NR5A2: variants seen among roughly 807,000 people sequenced by gnomAD.
NR5A2 encodes the protein nuclear receptor subfamily 5 group A member 2.
Under a neutral mutation model 62.7 loss-of-function variants are expected in NR5A2, and 26 were observed. The ratio of observed to expected loss-of-function variants is 0.41; its 90% confidence interval spans 0.30 to 0.58. The LOEUF is 0.58. Ranked by LOEUF, NR5A2 falls within the 20% of genes least tolerant of loss-of-function variation. The pLI is 0.22. For missense variants in NR5A2, 541 were observed against 669.1 expected, an observed-to-expected ratio of 0.81 and a Z score of 2.11; for synonymous variants, 246 against 241.7, an observed-to-expected ratio of 1.02 and a Z score of -0.16.
At chr1:200,123,625 G>A (rs930333169) in intron 7 of NR5A2, among the ~76,000 whole-genome samples, 16 of 152,190 alleles carry the variant, frequency 1.1e-4, no homozygotes, top group African/African-American at 3.4e-4. Context: ...TTCTTAAGGC[G>A]ACGGGGATGC....
chr1:200,047,896 G>A (rs892230796), intron 4 of NR5A2, among the ~76,000 whole-genome samples: 1 of 152,030 alleles, frequency 6.6e-6, no homozygotes, highest in Non-Finnish European at 1.5e-5. Context: ...ATATTTCTAT[G>A]TCTAACAAAA....
Position 200,130,947 on chromosome 1 carries a change from C to T in NR5A2, c.1378+9992C>T, listed in dbSNP as rs1054931702. On this transcript the variant is annotated intron_variant, in intron 7 of 7. Coordinates refer to ENST00000367362, the MANE Select transcript of NR5A2 (RefSeq NM_205860.3). ...ATTAGCATTCATTCTCAGTGTTTACCTTTTCATATGTAATATTCTAATTTA... is the reference window on the plus strand; with the variant it reads ...ATTAGCATTCATTCTCAGTGTTTACTTTTTCATATGTAATATTCTAATTTA... 2.0e-5 allele frequency among the ~76,000 whole-genome samples: 3 copies of T among 152,186 alleles called. No homozygotes were observed. In the South Asian group the frequency reaches 6.2e-4, roughly 32 times the overall value.
At chr1:200,066,269 G>T (rs764656529) in intron 5 of NR5A2, among the ~76,000 whole-genome samples, 2 of 152,110 alleles carry the variant, frequency 1.3e-5, no homozygotes. Context: ...TTGCCAAAAA[G>T]ACTTTGAGAG....
chr1:200,067,947 T>C (rs913073847), intron 5 of NR5A2, among the ~76,000 whole-genome samples: 2 of 152,198 alleles, frequency 1.3e-5, no homozygotes, highest in African/African-American at 4.8e-5. Flanking sequence ...GCACTCCTTG[T>C]ATTTAAAGTG....
At chr1:200,127,479 C>T (rs866260494) in intron 7 of NR5A2, among the ~76,000 whole-genome samples, 15 of 151,354 alleles carry the variant, frequency 9.9e-5, no homozygotes, top group African/African-American at 3.4e-4. Context: ...GAGTTTGAAA[C>T]CAGCCTGGTC....
chr1:200,048,954 A>C lies in NR5A2; in HGVS notation c.1110+136A>C, dbSNP rs1349962851. On this transcript the variant is annotated intron_variant, in intron 5 of 7. Transcript: ENST00000367362. This position sits in a 1 kb window ranked among gnomAD's most constrained non-coding sequence, Gnocchi z 4.8. ...TTGTATGATTTACAGAGTAGACGTA[A>C]TTTTATTACCTTGACTTCAGGACTG... The C allele has an allele frequency of 1.8e-6, 2 of 1,122,762 alleles. No homozygotes were observed. The highest frequency in any genetic ancestry group is 2.5e-6 in the Non-Finnish European group (2 of 794,762). 69.5% of individuals were successfully genotyped at this position (1,122,762 alleles called of 1,614,324 possible).
At chr1:200,113,666 A>G (rs1666067333) in intron 6 of NR5A2, among the ~76,000 whole-genome samples, 1 of 152,212 alleles carries the variant, frequency 6.6e-6, no homozygotes, top group South Asian at 2.1e-4. Context: ...GAACTATTGT[A>G]TCTCTCCTGG....
intron 1 of NR5A2, among the ~76,000 whole-genome samples, chr1:200,031,889 C>T (rs983004378): frequency 1.3e-5 from 2 of 152,164 alleles, no homozygotes; most frequent in Non-Finnish European, 2.9e-5. Context: ...ATCTTTAACA[C>T]CTCTTCTAAC....
chr1:200,172,610 T>C (rs1027549690), intron 7 of NR5A2, among the ~76,000 whole-genome samples: 1 of 152,220 alleles, frequency 6.6e-6, no homozygotes, highest in African/African-American at 2.4e-5. Context: ...AGGGGAAGCA[T>C]GTTTAATGCA....
At chr1:200,081,554 A>T (rs940561483) in intron 5 of NR5A2, among the ~76,000 whole-genome samples, 1 of 152,250 alleles carries the variant, frequency 6.6e-6, no homozygotes, top group African/African-American at 2.4e-5. Flanking sequence ...ATCCATAGGA[A>T]GCCAAATACT....
intron 7 of NR5A2, among the ~76,000 whole-genome samples, chr1:200,153,652 C>T (rs1373300093): frequency 6.6e-6 from 1 of 151,902 alleles, no homozygotes; most frequent in Middle Eastern, 3.2e-3. Flanking sequence ...CTGTTTAATA[C>T]ATTTTTTAAA....
At chr1:200,119,715 C>CT (rs1666395608) in intron 6 of NR5A2, among the ~76,000 whole-genome samples, 1 of 152,166 alleles carries the variant, frequency 6.6e-6, no homozygotes, top group Non-Finnish European at 1.5e-5. Context: ...CAACCTCCGC[C>CT]TCCCAGGTTC....
At chr1:200,172,518 A>T (rs1467245114) in intron 7 of NR5A2, among the ~76,000 whole-genome samples, 3 of 152,182 alleles carry the variant, frequency 2.0e-5, no homozygotes, top group Non-Finnish European at 4.4e-5. Context: ...TTTGAAAGAG[A>T]TATGGTACCA....
chr1:200,157,764 C>G (rs1653455487), intron 7 of NR5A2, among the ~76,000 whole-genome samples: 1 of 152,202 alleles, frequency 6.6e-6, no homozygotes, highest in Admixed American at 6.5e-5. Context: ...TAGTTCTCAA[C>G]TCCAGAGACC....
chr1:200,088,473 T>G (rs1202240823), intron 5 of NR5A2, among the ~76,000 whole-genome samples: 3 of 151,912 alleles, frequency 2.0e-5, no homozygotes, highest in African/African-American at 7.3e-5. Context: ...CTCAGGCTGG[T>G]CTTGAACTCC....
At chr1:200,106,310 G>C (rs1665662676) in intron 5 of NR5A2, among the ~76,000 whole-genome samples, 1 of 152,090 alleles carries the variant, frequency 6.6e-6, no homozygotes, top group Non-Finnish European at 1.5e-5. Flanking sequence ...GCCTGCCTTG[G>C]CCTCCCAAAG....
intron 2 of NR5A2, chr1:200,042,790 T>A (rs1197349191): frequency 2.0e-6 from 2 of 984,986 alleles, no homozygotes; most frequent in East Asian, 2.3e-4. Flanking sequence ...GATCAGGCAC[T>A]TCCTGGGGTC....
chr1:200,111,279 A>C lies in NR5A2; in HGVS notation c.1188A>C (p.Val396=), dbSNP rs753700509. 23 of 1,613,538 alleles carry C rather than the reference A, an allele frequency of 1.4e-5. No individual in the cohort carries two copies. The Middle Eastern group carries it at 4.9e-4, about 35-fold the overall frequency. The change falls in exon 6 of 8, where the codon GTA becomes GTC. Residue 396 remains valine, a synonymous_variant. Transcript: ENST00000367362. ...LILDHIYRQV[V]HGKEGSIFLV... Reference sequence around the variant, plus strand: ...TCGACCACATTTACCGACAAGTGGTACATGGAAAGGAAGGATCCATCTTCC... The same window carrying C: ...TCGACCACATTTACCGACAAGTGGTCCATGGAAAGGAAGGATCCATCTTCC...
intron 7 of NR5A2, among the ~76,000 whole-genome samples, chr1:200,173,742 T>C (rs1654289375): frequency 6.6e-6 from 1 of 152,180 alleles, no homozygotes; most frequent in South Asian, 2.1e-4. Flanking sequence ...TCTAATTGAT[T>C]TGAGGTATAT....
Sources: allele counts gnomAD v4.1 joint callset (sites outside exome capture counted in the v4.1 genomes callset), GRCh38; gene constraint gnomAD v4.1.1; non-coding constraint Gnocchi (gnomAD v3.1); transcripts MANE v1.5; gene names NCBI Gene and HGNC (gene_info 2026-07-23, HGNC 2026-07-21).